CCDC63: variants seen among roughly 807,000 people sequenced by gnomAD.
CCDC63 encodes coiled-coil domain-containing protein 63.
Under a neutral mutation model 63.6 loss-of-function variants are expected in CCDC63, and 54 were observed. The ratio of observed to expected loss-of-function variants is 0.85; its 90% CI spans 0.68 to 1.07. The LOEUF is 1.07. Among genes scored for constraint, CCDC63 ranks in the 50% least tolerant of loss-of-function variants. The pLI is 0.00. For missense variants in CCDC63, 637 were observed against 689.6 expected, an observed-to-expected ratio of 0.92 and a Z score of 0.86; for synonymous variants, 253 against 266.1, an observed-to-expected ratio of 0.95 and a Z score of 0.48.
chr12:110,877,213 ATTT>A (rs35327073), intron 5 of CCDC63, among the ~76,000 whole-genome samples: 2 of 138,636 alleles, frequency 1.4e-5, no homozygotes, highest in African/African-American at 2.7e-5. Context: ...ATACAGTACA[ATTT>A]TTTTTTTTTT....
intron 7 of CCDC63, 115 bp from the exon 8 acceptor site, chr12:110,883,915 C>A: frequency 1.2e-6 from 1 of 820,118 alleles, no homozygotes; most frequent in Non-Finnish European, 2.1e-6. Flanking sequence ...GTTGGGATTA[C>A]AGGCGTGAGT....
chr12:110,900,624 G>T (rs375592974), intron 10 of CCDC63, among the ~76,000 whole-genome samples: 1 of 149,750 alleles, frequency 6.7e-6, no homozygotes, highest in East Asian at 2.0e-4. Context: ...TTTCGAGATG[G>T]AGTCTCACTC....
chr12:110,844,685 C>T (rs1480578201), upstream of CCDC63, among the ~76,000 whole-genome samples: 1 of 152,080 alleles, frequency 6.6e-6, no homozygotes, highest in Non-Finnish European at 1.5e-5. Flanking sequence ...CTGTGATTTG[C>T]TAACACTAAT....
intron 3 of CCDC63, among the ~76,000 whole-genome samples, chr12:110,856,844 CTTTT>C (rs34855503): frequency 7.8e-5 from 9 of 115,530 alleles, no homozygotes; most frequent in Admixed American, 1.9e-4. Flanking sequence ...CCTTTCCTTT[CTTTT>C]TTTTTTTTTT....
chr12:110,857,802 T>C (rs1388508446), intron 3 of CCDC63, among the ~76,000 whole-genome samples: 1 of 152,130 alleles, frequency 6.6e-6, no homozygotes, highest in African/African-American at 2.4e-5. Context: ...CCTGTGTTGA[T>C]GCAAACTTGA....
intron 4 of CCDC63, among the ~76,000 whole-genome samples, chr12:110,867,118 A>T (rs1282267000): frequency 6.7e-4 from 62 of 92,512 alleles, no homozygotes; most frequent in Non-Finnish European, 1.0e-3. Context: ...CTGGCCGGGC[A>T]GGGGGGCTGA....
chr12:110,898,207 A>G (rs2071437571), intron 9 of CCDC63, among the ~76,000 whole-genome samples: 1 of 151,686 alleles, frequency 6.6e-6, no homozygotes, highest in Non-Finnish European at 1.5e-5. Context: ...GCTTGAGTGC[A>G]GGAAGTTGAG....
At chr12:110,854,792 AATTTTTATTTTT>A (rs1566115219) in intron 3 of CCDC63, among the ~76,000 whole-genome samples, 1 of 152,008 alleles carries the variant, frequency 6.6e-6, no homozygotes, top group African/African-American at 2.4e-5. Context: ...GGGGAAAAGG[AATTTTTATTTTT>A]ATTTTTATTT....
At chr12:110,865,963 A>G (rs2070941689) in intron 4 of CCDC63, among the ~76,000 whole-genome samples, 1 of 145,408 alleles carries the variant, frequency 6.9e-6, no homozygotes, top group African/African-American at 2.7e-5. Flanking sequence ...TATGGAACTT[A>G]GCTCAGCAAC....
At chr12:110,895,381 C>G (rs868267872) in intron 9 of CCDC63, among the ~76,000 whole-genome samples, 29 of 152,352 alleles carry the variant, frequency 1.9e-4, no homozygotes, top group African/African-American at 5.8e-4. Flanking sequence ...TCCCAAAGTG[C>G]TGGGATTATA....
chr12:110,898,903 GAGC>G, intron 9 of CCDC63, 27 bp from the exon 10 acceptor site: 1 of 1,543,432 alleles, frequency 6.5e-7, no homozygotes, highest in Non-Finnish European at 8.8e-7. Flanking sequence ...AAGTCCTCCT[GAGC>G]AGGTGGGAAT....
At chr12:110,891,294 G>A (rs557568063) in intron 8 of CCDC63, among the ~76,000 whole-genome samples, 1 of 151,404 alleles carries the variant, frequency 6.6e-6, no homozygotes, top group East Asian at 2.0e-4. Context: ...CTGGGCAACA[G>A]AGCAAGAGCT....
At chr12:110,906,602 C>T (rs2071587685) in intron 11 of CCDC63, among the ~76,000 whole-genome samples, 1 of 151,868 alleles carries the variant, frequency 6.6e-6, no homozygotes. Context: ...TTCAAGTGTG[C>T]CAAGGATGTA....
chr12:110,862,369 G>A (rs141281927), intron 4 of CCDC63, among the ~76,000 whole-genome samples: 1,855 of 152,302 alleles, frequency 0.012, 23 homozygotes, highest in Admixed American at 0.018. Flanking sequence ...ACTGGAGGTG[G>A]GGACCTCCCC....
At position 110,892,933 on chromosome 12, in the gene CCDC63, C is replaced by T. The variant is rs376797521; in HGVS notation, c.1075-143C>T. On this transcript the variant is annotated intron_variant, in intron 8 of 11. Coordinates refer to ENST00000308208, the MANE Select transcript of CCDC63 (RefSeq NM_152591.3). ...GAAAAAAAAATAATAACCCCACGGG[C>T]CTAAGAGGGGCCCAGGTGTTTGGGG... The T allele has an allele frequency of 2.1e-4, 131 of 636,512 alleles. No individual in the cohort carries two copies. The East Asian group carries it at 3.2e-3, about 15-fold the overall frequency. 39.4% of individuals were successfully genotyped at this position (636,512 alleles called of 1,614,324 possible).
chr12:110,848,165 G>A (rs2070663359), intron 1 of CCDC63, among the ~76,000 whole-genome samples: 1 of 152,274 alleles, frequency 6.6e-6, no homozygotes, highest in East Asian at 1.9e-4. Context: ...GAATTGTGGG[G>A]AGGGGAGCTT....
chr12:110,883,212 A>C (rs2071230781), intron 7 of CCDC63, among the ~76,000 whole-genome samples: 1 of 151,922 alleles, frequency 6.6e-6, no homozygotes, highest in Admixed American at 6.6e-5. Flanking sequence ...TAATTTTTGT[A>C]TTTTTAGAAG....
chr12:110,871,207 T>C (rs1424475690), intron 4 of CCDC63, among the ~76,000 whole-genome samples: 1 of 152,188 alleles, frequency 6.6e-6, no homozygotes, highest in Non-Finnish European at 1.5e-5. Flanking sequence ...AGTGGTGCAA[T>C]CTTGGCTCAC....
intron 4 of CCDC63, among the ~76,000 whole-genome samples, chr12:110,863,155 G>A (rs1368097514): frequency 1.3e-5 from 2 of 151,338 alleles, no homozygotes; most frequent in Admixed American, 6.6e-5. Flanking sequence ...CACTGGGGGC[G>A]CTGCCTGTGC....
Sources: allele counts gnomAD v4.1 joint callset (sites outside exome capture counted in the v4.1 genomes callset), GRCh38; gene constraint gnomAD v4.1.1; transcripts MANE v1.5; gene names NCBI Gene and HGNC (gene_info 2026-07-23, HGNC 2026-07-21).